The following KLF12 variants were observed in gnomAD, a reference collection of about 807,000 sequenced individuals.
The protein encoded by KLF12 is Krueppel-like factor 12.
Under a neutral mutation model 37.8 loss-of-function variants are expected in KLF12, and 9 were observed. That is an observed-to-expected ratio of 0.24 (90% CI 0.14 to 0.42). The LOEUF is 0.42. Ranked by LOEUF, KLF12 falls within the 10% of genes least tolerant of loss-of-function variation. The probability of loss-of-function intolerance (pLI) is 1.00; values close to 1 mark genes in which losing one functional copy is unlikely to be tolerated. For synonymous variants in KLF12, 208 were observed against 202.1 expected, an observed-to-expected ratio of 1.03 and a Z score of -0.25; for missense variants, 411 against 516.0, an observed-to-expected ratio of 0.80 and a Z score of 1.97.
chr13:73,963,489 T>G (rs1415509613), intron 2 of KLF12, among the ~76,000 whole-genome samples: 1 of 152,210 alleles, frequency 6.6e-6, no homozygotes, highest in Admixed American at 6.5e-5. Context: ...AATTTTAGAA[T>G]GGATTATATA....
At chr13:74,064,260 T>C (rs975833131) in intron 1 of KLF12, among the ~76,000 whole-genome samples, 9 of 152,308 alleles carry the variant, frequency 5.9e-5, no homozygotes, top group Non-Finnish European at 8.8e-5. Flanking sequence ...TAGGCTCATA[T>C]ATAACTGTAT....
chr13:73,705,013 T>A (rs1874831502), intron 7 of KLF12, among the ~76,000 whole-genome samples: 2 of 152,222 alleles, frequency 1.3e-5, no homozygotes, highest in African/African-American at 2.4e-5. Context: ...TGTTTTCTTG[T>A]CTAATGAATT....
At chr13:74,141,093 G>A in the KLF12 span, among the ~76,000 whole-genome samples, 1 of 152,076 alleles carries the variant, frequency 6.6e-6, no homozygotes. Context: ...AGGATTGGAA[G>A]AGGGAGTATA....
chr13:74,264,255 A>T, the KLF12 span, among the ~76,000 whole-genome samples: 1 of 152,214 alleles, frequency 6.6e-6, no homozygotes, highest in Non-Finnish European at 1.5e-5. Flanking sequence ...AGTGGCTTGG[A>T]TAAAAAAAGA....
chr13:74,231,221 G>A, the KLF12 span, among the ~76,000 whole-genome samples: 1 of 108,046 alleles, frequency 9.3e-6, no homozygotes, highest in African/African-American at 5.3e-5. Flanking sequence ...TTTTCCCTCT[G>A]TATCTCCAGG....
intron 5 of KLF12, chr13:73,812,930 C>T (rs1883019514): frequency 4.2e-6 from 2 of 473,526 alleles, no homozygotes; most frequent in African/African-American, 1.9e-5. Context: ...AAAAGATGCA[C>T]ATAGGTCTTA....
At chr13:73,832,655 A>G (rs2138591216) in intron 4 of KLF12, among the ~76,000 whole-genome samples, 1 of 152,366 alleles carries the variant, frequency 6.6e-6, no homozygotes, top group Non-Finnish European at 1.5e-5. Flanking sequence ...AGGAAAACCA[A>G]ATCTTTGTTT....
intron 1 of KLF12, among the ~76,000 whole-genome samples, chr13:74,121,886 C>T (rs1425578058): frequency 2.0e-5 from 3 of 151,876 alleles, no homozygotes; most frequent in African/African-American, 7.3e-5. Flanking sequence ...AAAAGACTAC[C>T]TCAAAATTGC....
Position 74,058,380 on chromosome 13 carries a change from A to G in KLF12, c.-31-63327T>C, listed in dbSNP as rs1313357061. 2.1e-3 allele frequency among the ~76,000 whole-genome samples: 234 copies of G among 109,078 alleles called. 1 individual carries two copies. Among genetic ancestry groups the G allele is most frequent in the Middle Eastern group, 7.7e-3 (1 of 130 alleles). 71.6% of individuals were successfully genotyped at this position (109,078 alleles called of 152,430 possible). On this transcript the variant is annotated intron_variant, in intron 1 of 7. Coordinates refer to ENST00000377669, the MANE Select transcript of KLF12 (RefSeq NM_007249.5). ...TTTTTTTTTTTTTTTTTTTTGAGAC[A>G]GAGTCTCGCTCTGTCACCCAGGCTG...
At chr13:73,932,569 A>G (rs1485948887) in intron 3 of KLF12, among the ~76,000 whole-genome samples, 2 of 152,196 alleles carry the variant, frequency 1.3e-5, no homozygotes, top group African/African-American at 4.8e-5. Context: ...TGAATCTAAT[A>G]TGTGGTGTCA....
the KLF12 span, among the ~76,000 whole-genome samples, chr13:74,169,622 C>T: frequency 1.3e-5 from 2 of 152,110 alleles, no homozygotes; most frequent in African/African-American, 4.8e-5. Flanking sequence ...CACTCTTTGC[C>T]CTTGGATAAC....
At chr13:73,917,946 T>A (rs1257386504) in intron 3 of KLF12, among the ~76,000 whole-genome samples, 2 of 150,964 alleles carry the variant, frequency 1.3e-5, no homozygotes, top group African/African-American at 2.4e-5. Context: ...AAAAAAAAAA[T>A]TCCTGACCTT....
chr13:73,690,170 T>C lies in KLF12; in HGVS notation c.*5320A>G, dbSNP rs1376977765. 1 of 152,576 alleles carries C rather than the reference T, an allele frequency of 6.6e-6. No individual in the cohort carries two copies. Among genetic ancestry groups the C allele is most frequent in the Admixed American group, 6.6e-5 (1 of 15,264 alleles). 9.5% of individuals were successfully genotyped at this position (152,576 alleles called of 1,614,324 possible). A position where few individuals can be genotyped will look rare whatever the true frequency, so the allele number is the denominator to read the frequency against. ...TTCACATGTGCAGGAAAAAACCCAG[T>C]CTTATTAAGAATTATTGCTGTGTAA... On this transcript the variant is annotated 3_prime_UTR_variant, in exon 8 of 8. Coordinates refer to ENST00000377669, the MANE Select transcript of KLF12 (RefSeq NM_007249.5).
intron 5 of KLF12, among the ~76,000 whole-genome samples, chr13:73,780,487 T>G (rs1291149015): frequency 2.1e-5 from 3 of 144,380 alleles, no homozygotes; most frequent in Admixed American, 6.9e-5. Context: ...TTTTTTTTTC[T>G]TTTTTCTTTG....
chr13:74,022,323 A>G (rs1167990927), intron 1 of KLF12, among the ~76,000 whole-genome samples: 2 of 152,128 alleles, frequency 1.3e-5, no homozygotes, highest in Non-Finnish European at 2.9e-5. Context: ...TTTCAGAAAA[A>G]AACATAATTA....
chr13:74,106,151 T>C (rs1167103306), intron 1 of KLF12, among the ~76,000 whole-genome samples: 1 of 152,182 alleles, frequency 6.6e-6, no homozygotes, highest in African/African-American at 2.4e-5. Flanking sequence ...CTACTGTCTA[T>C]TAAAGGCTCC....
the KLF12 span, among the ~76,000 whole-genome samples, chr13:74,207,543 G>C: frequency 6.6e-6 from 1 of 152,134 alleles, no homozygotes; most frequent in African/African-American, 2.4e-5. Flanking sequence ...GGGTATGATG[G>C]CAGATGCCTG....
intron 5 of KLF12, among the ~76,000 whole-genome samples, chr13:73,784,927 C>T (rs977968160): frequency 2.6e-5 from 4 of 151,910 alleles, no homozygotes; most frequent in African/African-American, 4.8e-5. Context: ...TGAGCCACTG[C>T]GCCCGGCCTC....
the KLF12 span, among the ~76,000 whole-genome samples, chr13:74,213,742 C>G: frequency 1.0e-3 from 156 of 151,930 alleles, 1 homozygote; most frequent in Non-Finnish European, 1.8e-3. Context: ...TAAAAAAAAT[C>G]TTTACAAGGT....
Sources: gnomAD v4.1 joint callset for allele counts (sites outside exome capture counted in the v4.1 genomes callset) on GRCh38, gnomAD v4.1.1 for gene constraint, MANE v1.5 for transcripts, NCBI Gene and HGNC (gene_info 2026-07-23, HGNC 2026-07-21) for gene names.